The following DMAC2L variants were observed in gnomAD, a reference collection of about 807,000 sequenced individuals.
DMAC2L encodes ATP synthase subunit s, mitochondrial.
DMAC2L carries 21 observed loss-of-function variants against 22.5 expected under a neutral mutation model. That is an observed-to-expected ratio of 0.93 (90% CI 0.66 to 1.34). The LOEUF (loss-of-function observed/expected upper bound fraction) is 1.34. Among genes scored for constraint, DMAC2L ranks in the 40% most tolerant of loss-of-function variants. DMAC2L has a pLI of 0.00. For missense variants in DMAC2L, 239 were observed against 246.5 expected, an observed-to-expected ratio of 0.97 and a Z score of 0.20; for synonymous variants, 86 against 89.5, an observed-to-expected ratio of 0.96 and a Z score of 0.22.
chr14:50,312,584 G>T (rs1186314357), intron 1 of DMAC2L, 195 bp downstream of exon 1: 10 of 271,534 alleles, frequency 3.7e-5, no homozygotes, highest in Admixed American at 2.1e-4. Flanking sequence ...TTGTTTGGGC[G>T]GGCCCTGCGG....
intron 3 of DMAC2L, among the ~76,000 whole-genome samples, chr14:50,322,065 A>G (rs7148999): frequency 0.098 from 14,855 of 152,218 alleles, 860 homozygotes; most frequent in Middle Eastern, 0.13. Context: ...GCTAGAGAAA[A>G]AAGCATATGT....
At chr14:50,319,866 T>A (rs1194113225) in intron 2 of DMAC2L, among the ~76,000 whole-genome samples, 1 of 152,206 alleles carries the variant, frequency 6.6e-6, no homozygotes, top group Non-Finnish European at 1.5e-5. Flanking sequence ...TTGGTGTCAT[T>A]TTCAACTCCT....
chr14:50,312,780 C>T (rs574586814), intron 1 of DMAC2L: 2 of 526,036 alleles, frequency 3.8e-6, no homozygotes, highest in Admixed American at 3.6e-5. Context: ...GGCCCTAATC[C>T]TCGCTCCTCA....
chr14:50,323,875 G>A lies in DMAC2L; in HGVS notation c.317-70G>A, dbSNP rs1477384947. On this transcript the variant is annotated intron_variant, in intron 4 of 5. Coordinates refer to ENST00000557421, the MANE Select transcript of DMAC2L (RefSeq NM_001382507.1). Reference sequence around the variant, plus strand: ...TTTCAGTCCTAAAACCAAGTCAGTCGTGGGCAAACCAGGACAGTTTGTCAT... The same window carrying A: ...TTTCAGTCCTAAAACCAAGTCAGTCATGGGCAAACCAGGACAGTTTGTCAT... 15 of 1,368,606 alleles carry A rather than the reference G, an allele frequency of 1.1e-5. No homozygotes were observed. The East Asian group carries it at 1.6e-4, about 15-fold the overall frequency. 84.8% of individuals were successfully genotyped at this position (1,368,606 alleles called of 1,614,324 possible). A position where few individuals can be genotyped will look rare whatever the true frequency, so the allele number is the denominator to read the frequency against.
chr14:50,312,815 A>G, intron 1 of DMAC2L: 1 of 579,934 alleles, frequency 1.7e-6, no homozygotes, highest in East Asian at 2.9e-5. Context: ...CACAGCGAAG[A>G]CTGACAGCCC....
At chr14:50,318,982 A>C in intron 2 of DMAC2L, 1 of 976,590 alleles carries the variant, frequency 1.0e-6, no homozygotes, top group Non-Finnish European at 1.2e-6. Flanking sequence ...TTGCCTTTGC[A>C]CTAAGTATAG....
intron 5 of DMAC2L, chr14:50,324,757 A>G (rs888146273): frequency 6.6e-6 from 1 of 152,226 alleles, no homozygotes. Context: ...GCGTGATGAA[A>G]AAAGAATAGA....
intron 5 of DMAC2L, among the ~76,000 whole-genome samples, chr14:50,325,384 ATATTT>A (rs1352830276): frequency 6.6e-6 from 1 of 152,202 alleles, no homozygotes; most frequent in Non-Finnish European, 1.5e-5. Context: ...TTATAAATAT[ATATTT>A]TATTTAGAAT....
At chr14:50,315,984 A>G (rs189871977) in intron 2 of DMAC2L, among the ~76,000 whole-genome samples, 107 of 152,362 alleles carry the variant, frequency 7.0e-4, no homozygotes, top group Admixed American at 1.6e-3. Flanking sequence ...GAATCTCCAC[A>G]CTGTTTTCCA....
upstream of DMAC2L, among the ~76,000 whole-genome samples, chr14:50,311,749 A>G (rs1566547072): frequency 6.6e-6 from 1 of 152,218 alleles, no homozygotes; most frequent in Admixed American, 6.5e-5. Context: ...ACTAGCCCAG[A>G]GTTCAACAGA....
chr14:50,323,252 A>G (rs980182508), intron 4 of DMAC2L, among the ~76,000 whole-genome samples: 4 of 151,090 alleles, frequency 2.6e-5, no homozygotes, highest in African/African-American at 4.9e-5. Flanking sequence ...TGCCCGGCTA[A>G]TTTTGTTTTT....
intron 4 of DMAC2L, 136 bp from the exon 5 acceptor site, chr14:50,323,809 C>A (rs1329436775): frequency 3.0e-6 from 2 of 668,658 alleles, no homozygotes; most frequent in African/African-American, 1.8e-5. Context: ...AGCAGTCATT[C>A]CAGTTTTCAT....
chr14:50,312,209 C>T (rs1025209067), upstream of DMAC2L: 2 of 1,591,148 alleles, frequency 1.3e-6, no homozygotes, highest in Middle Eastern at 1.7e-4. Context: ...CCTCCACGGC[C>T]GAGGACCCGC....
chr14:50,315,330 C>T (rs76323803), intron 2 of DMAC2L, among the ~76,000 whole-genome samples: 3 of 151,538 alleles, frequency 2.0e-5, no homozygotes, highest in African/African-American at 4.8e-5. Flanking sequence ...TAAGAACATA[C>T]GATGTTTGGT....
At chr14:50,312,100 C>T, upstream of DMAC2L, 2 of 1,608,020 alleles carry the variant, frequency 1.2e-6, no homozygotes, top group Non-Finnish European at 1.7e-6. Context: ...CGGCGAAAAG[C>T]CCGCGGGCCC....
upstream of DMAC2L, chr14:50,311,913 C>A: frequency 6.7e-7 from 1 of 1,496,634 alleles, no homozygotes; most frequent in Non-Finnish European, 9.0e-7. Context: ...TGCTCTCACC[C>A]CGGGACAGGG....
intron 2 of DMAC2L, among the ~76,000 whole-genome samples, chr14:50,320,275 A>AT (rs148366485): frequency 1.3e-5 from 2 of 150,902 alleles, no homozygotes; most frequent in Admixed American, 6.6e-5. Context: ...TTATTTTTTT[A>AT]TTTTTTGGTA....
At chr14:50,321,014 A>G (rs2139302453) in intron 2 of DMAC2L, among the ~76,000 whole-genome samples, 1 of 152,296 alleles carries the variant, frequency 6.6e-6, no homozygotes, top group Non-Finnish European at 1.5e-5. Context: ...TGGTAACACC[A>G]CTTGCAGCCT....
chr14:50,324,061 A>G lies in DMAC2L; in HGVS notation c.433A>G (p.Ile145Val). Reference sequence around the variant, plus strand: ...ACAAAAAACCATATTGGAAATGGAAATAATATCCTGTGGGAATATCACAGA... The same window carrying G: ...ACAAAAAACCATATTGGAAATGGAAGTAATATCCTGTGGGAATATCACAGA... ...NLQKTILEME[I>V]ISCGNITDKG... Residue 145 changes from isoleucine (I) to valine (V), a missense_variant, in exon 5 of 6, where the codon ATA becomes GTA. Transcript: ENST00000557421. 1.9e-6 allele frequency: 3 copies of G among 1,614,118 alleles called. No individual in the cohort carries two copies. The highest frequency in any genetic ancestry group is 2.2e-5 in the East Asian group (1 of 44,872).
Sources: allele counts gnomAD v4.1 joint callset (sites outside exome capture counted in the v4.1 genomes callset), GRCh38; gene constraint gnomAD v4.1.1; transcripts MANE v1.5; gene names NCBI Gene and HGNC (gene_info 2026-07-23, HGNC 2026-07-21).